The following RBFOX1 variants were observed in gnomAD, a reference collection of about 807,000 sequenced individuals.
The protein encoded by RBFOX1 is RNA binding fox-1 homolog 1.
RBFOX1 carries 8 observed loss-of-function variants against 57.7 expected under a neutral mutation model. The observed-to-expected ratio is 0.14, with a 90% CI of 0.08 to 0.25. RBFOX1 has a LOEUF of 0.25. Among genes scored for constraint, RBFOX1 ranks in the 10% least tolerant of loss-of-function variants. The pLI is 1.00. For synonymous variants in RBFOX1, 326 were observed against 222.4 expected (o/e 1.47, Z -4.15); for missense variants, 611 against 548.5 (o/e 1.11, Z -1.14).
intron 3 of RBFOX1, among the ~76,000 whole-genome samples, chr16:6,681,598 T>A (rs978325834): frequency 1.3e-5 from 2 of 150,696 alleles, no homozygotes; most frequent in African/African-American, 4.9e-5. Context: ...GCCCGTTAGT[T>A]AAAGCCGTAA....
intron 3 of RBFOX1, among the ~76,000 whole-genome samples, chr16:6,864,593 G>A (rs1217600434): frequency 2.0e-5 from 3 of 149,828 alleles, no homozygotes; most frequent in African/African-American, 2.5e-5. Flanking sequence ...AAAACAGGCT[G>A]GATGTGTCAA....
At chr16:6,125,912 T>C (rs1454048394) in intron 1 of RBFOX1, among the ~76,000 whole-genome samples, 1 of 152,148 alleles carries the variant, frequency 6.6e-6, no homozygotes, top group East Asian at 1.9e-4. Context: ...AAAAAGTGAT[T>C]TCCAGTTAAA....
chr16:5,316,103 C>A (rs1210679930), intron 1 of RBFOX1, among the ~76,000 whole-genome samples: 1 of 152,206 alleles, frequency 6.6e-6, no homozygotes, highest in Non-Finnish European at 1.5e-5. Flanking sequence ...AACCACACTC[C>A]CCTGCCACAG....
intron 3 of RBFOX1, among the ~76,000 whole-genome samples, chr16:5,617,341 G>T (rs1486553885): frequency 4.6e-5 from 7 of 152,106 alleles, no homozygotes; most frequent in Admixed American, 4.6e-4. Flanking sequence ...GCTACCCATG[G>T]TCCTGAGGTC....
intron 4 of RBFOX1, among the ~76,000 whole-genome samples, chr16:7,077,889 C>G (rs1424407594): frequency 1.3e-5 from 2 of 152,162 alleles, no homozygotes; most frequent in African/African-American, 4.8e-5. Context: ...TTTTAAGCAA[C>G]TTGAGATTGT....
At chr16:6,313,224 C>T (rs2080600021) in intron 1 of RBFOX1, among the ~76,000 whole-genome samples, 1 of 152,110 alleles carries the variant, frequency 6.6e-6, no homozygotes, top group African/African-American at 2.4e-5. Flanking sequence ...AAGGCTGGAG[C>T]TGTGTCTAGG....
At position 5,537,877 on chromosome 16, in the gene RBFOX1, G is replaced by C. The variant is rs147784321; in HGVS notation, c.259-61025G>C. 3.2e-4 allele frequency among the ~76,000 whole-genome samples: 48 copies of C among 152,272 alleles called. No individual in the cohort carries two copies. In the East Asian group the frequency reaches 7.7e-3, roughly 24 times the overall value. On this transcript the variant is annotated intron_variant, in intron 2 of 2. Coordinates refer to the RBFOX1 transcript ENST00000585867. The stretch of plus-strand genomic sequence containing the variant: ...GCTGTTTTGCCACATAAGGTAACAT[G>C]TTCACAGATTCTGGAAATAAAGCAT...
At chr16:6,902,306 T>A (rs1326465377) in intron 3 of RBFOX1, among the ~76,000 whole-genome samples, 3 of 152,220 alleles carry the variant, frequency 2.0e-5, no homozygotes, top group African/African-American at 7.2e-5. Flanking sequence ...AATGGAAAGC[T>A]ACTCTTACTT....
chr16:6,171,397 A>G (rs1242114184), intron 1 of RBFOX1, among the ~76,000 whole-genome samples: 1 of 152,136 alleles, frequency 6.6e-6, no homozygotes, highest in Non-Finnish European at 1.5e-5. Flanking sequence ...GGAGTTCAAG[A>G]CTCGATTTAG....
At chr16:5,661,760 C>T (rs571357003) in intron 3 of RBFOX1, among the ~76,000 whole-genome samples, 1 of 152,246 alleles carries the variant, frequency 6.6e-6, no homozygotes, top group East Asian at 1.9e-4. Context: ...AGTCAGCATG[C>T]ACTACATTGG....
At chr16:5,399,733 T>TAA (rs5815242) in intron 1 of RBFOX1, among the ~76,000 whole-genome samples, 1 of 143,262 alleles carries the variant, frequency 7.0e-6, no homozygotes. Flanking sequence ...GACCCTGTCT[T>TAA]AAAAAAAAAA....
chr16:7,257,723 T>C (rs940253788), intron 4 of RBFOX1, among the ~76,000 whole-genome samples: 1 of 152,232 alleles, frequency 6.6e-6, no homozygotes, highest in Non-Finnish European at 1.5e-5. Flanking sequence ...TGCTCTGTTC[T>C]GCATAGATGT....
At chr16:7,133,214 C>A (rs1312419717) in intron 4 of RBFOX1, among the ~76,000 whole-genome samples, 1 of 152,164 alleles carries the variant, frequency 6.6e-6, no homozygotes, top group South Asian at 2.1e-4. Flanking sequence ...GAAAACATAT[C>A]ATTTAAAAAA....
At chr16:7,274,728 A>G (rs1337206247) in intron 4 of RBFOX1, among the ~76,000 whole-genome samples, 3 of 151,978 alleles carry the variant, frequency 2.0e-5, no homozygotes, top group Non-Finnish European at 4.4e-5. Flanking sequence ...CCTGTCACCC[A>G]AGCTGCAGTG....
chr16:5,433,971 G>C (rs915897337), intron 1 of RBFOX1, among the ~76,000 whole-genome samples: 1 of 152,224 alleles, frequency 6.6e-6, no homozygotes, highest in East Asian at 1.9e-4. Flanking sequence ...TCACCTGGGG[G>C]AGTTTGTTAA....
chr16:6,503,845 A>G (rs2096012045), intron 2 of RBFOX1, among the ~76,000 whole-genome samples: 2 of 152,148 alleles, frequency 1.3e-5, no homozygotes, highest in Admixed American at 6.5e-5. Context: ...GTTTGTGGCC[A>G]TTGTTTGCAT....
At chr16:7,221,679 T>A (rs947766776) in intron 4 of RBFOX1, among the ~76,000 whole-genome samples, 5 of 152,226 alleles carry the variant, frequency 3.3e-5, no homozygotes, top group Non-Finnish European at 7.3e-5. Context: ...GACTTATTTA[T>A]TTGTAAATTA....
At chr16:7,046,336 G>C (rs1053670315) in intron 3 of RBFOX1, among the ~76,000 whole-genome samples, 13 of 151,830 alleles carry the variant, frequency 8.6e-5, no homozygotes, top group African/African-American at 2.9e-4. Flanking sequence ...TAAAGGTTGT[G>C]TTATAGGGAT....
intron 3 of RBFOX1, among the ~76,000 whole-genome samples, chr16:6,865,301 C>G (rs967066327): frequency 6.6e-6 from 1 of 151,642 alleles, no homozygotes; most frequent in African/African-American, 2.4e-5. Context: ...CCGTGCCCGA[C>G]CTGGAGTGGG....
Sources: gnomAD v4.1 joint callset for allele counts (sites outside exome capture counted in the v4.1 genomes callset) on GRCh38, gnomAD v4.1.1 for gene constraint, MANE v1.5 for transcripts, NCBI Gene and HGNC (gene_info 2026-07-23, HGNC 2026-07-21) for gene names.